TMPRSS4: variants seen among roughly 807,000 people sequenced by gnomAD.
TMPRSS4 encodes the protein transmembrane serine protease 4, also known as transmembrane protease serine 4.
Under a neutral mutation model 56.4 loss-of-function variants are expected in TMPRSS4, and 45 were observed. The ratio of observed to expected loss-of-function variants is 0.80; its 90% confidence interval spans 0.63 to 1.02. The LOEUF is 1.02. Ranked by LOEUF, TMPRSS4 falls within the 50% of genes least tolerant of loss-of-function variation. The pLI, the probability that TMPRSS4 is intolerant of heterozygous loss-of-function variation, is 0.00. For synonymous variants in TMPRSS4, 205 were observed against 211.0 expected (o/e 0.97, Z 0.25); for missense variants, 546 against 556.7 (o/e 0.98, Z 0.19).
chr11:118,102,811 G>T (rs560202789), intron 3 of TMPRSS4: 4 of 372,288 alleles, frequency 1.1e-5, no homozygotes, highest in African/African-American at 6.1e-5. Context: ...TACATACTGA[G>T]CGAGCACTGG....
intron 3 of TMPRSS4, among the ~76,000 whole-genome samples, chr11:118,101,643 C>CT (rs1412632789): frequency 6.6e-6 from 1 of 152,070 alleles, no homozygotes; most frequent in East Asian, 1.9e-4. Flanking sequence ...CTGGCTAATT[C>CT]TTTTTTTAAT....
chr11:118,080,554 G>A (rs1272200527), intron 1 of TMPRSS4, among the ~76,000 whole-genome samples: 3 of 152,132 alleles, frequency 2.0e-5, no homozygotes, highest in Admixed American at 6.6e-5. Flanking sequence ...CGTGACCCCA[G>A]GCCTCTCTCC....
At chr11:118,102,164 TC>T (rs1186919493) in intron 3 of TMPRSS4, among the ~76,000 whole-genome samples, 1 of 151,580 alleles carries the variant, frequency 6.6e-6, no homozygotes. Context: ...TCCTCCCGCC[TC>T]CCCCCGACAG....
intron 6 of TMPRSS4, 74 bp downstream of exon 6, chr11:118,107,949 A>C: frequency 1.6e-6 from 2 of 1,267,764 alleles, no homozygotes; most frequent in East Asian, 2.4e-5. Context: ...CAACCAGCTC[A>C]CCTGGAACCC....
Position 118,112,379 on chromosome 11 carries a change from C to CTTTTTT in TMPRSS4, c.743+505_743+510dup, listed in dbSNP as rs71469160. Among the ~76,000 whole-genome samples, 93 of 45,726 alleles carry CTTTTTT rather than the reference C, an allele frequency of 2.0e-3. 19 individuals are homozygous for CTTTTTT. In the East Asian group the frequency reaches 0.022, roughly 11 times the overall value. 30.0% of individuals were successfully genotyped at this position (45,726 alleles called of 152,430 possible). On this transcript the variant is annotated intron_variant, in intron 8 of 12. Coordinates refer to ENST00000437212, the MANE Select transcript of TMPRSS4 (RefSeq NM_019894.4). ...AAGGGCTACTCCCAGACCCCCTTCA[C>CTTTTTT]TTTTTTTTTTTTTTTTTTTTTTTTT...
At chr11:118,111,702 C>T (rs756778314) in intron 7 of TMPRSS4, 39 bp from the exon 8 acceptor site, 1 of 1,519,376 alleles carries the variant, frequency 6.6e-7, no homozygotes, top group Non-Finnish European at 8.8e-7. Flanking sequence ...CCCCAACAGC[C>T]TGACTTCCTG....
At chr11:118,100,704 G>A (rs941651322) in intron 3 of TMPRSS4, among the ~76,000 whole-genome samples, 1 of 152,190 alleles carries the variant, frequency 6.6e-6, no homozygotes, top group Non-Finnish European at 1.5e-5. Flanking sequence ...TTCTATTCAG[G>A]CTAATGTTAA....
intron 3 of TMPRSS4, among the ~76,000 whole-genome samples, chr11:118,102,580 G>C (rs1946768136): frequency 6.6e-6 from 1 of 152,154 alleles, no homozygotes; most frequent in Non-Finnish European, 1.5e-5. Context: ...GTGGTGGCAT[G>C]TGCCTGTAAT....
In TMPRSS4 at chr11:118,119,123, A is replaced by C; in HGVS notation, c.*1210A>C. 1.0e-6 allele frequency: 1 copy of C among 985,484 alleles called. No homozygotes were observed. The highest frequency in any genetic ancestry group is 1.2e-6 in the Non-Finnish European group (1 of 829,946). The allele number at this position is 985,484 out of a possible 1,614,324, so 61.0% of individuals were successfully genotyped here. A position where few individuals can be genotyped will look rare whatever the true frequency, so the allele number is the denominator to read the frequency against. On this transcript the variant is annotated 3_prime_UTR_variant, in exon 13 of 13. Coordinates refer to ENST00000437212, the MANE Select transcript of TMPRSS4 (RefSeq NM_019894.4). ...ACAACAGAATTCCTCAAATGCCAAA[A>C]ACAAAGAAAATAGAAACCCAGAAAA...
chr11:118,104,655 C>T lies in TMPRSS4; in HGVS notation c.311-36C>T, dbSNP rs763747588. 4.5e-5 allele frequency: 73 copies of T among 1,613,694 alleles called. 1 individual carries two copies. The South Asian group carries it at 8.0e-4, about 18-fold the overall frequency. Reference sequence around the variant, plus strand: ...CTGAGGGGGATGGGCCAGTTGGGCCCCCCGTTCCATCTAACTCAGGTTCCT... The same window carrying T: ...CTGAGGGGGATGGGCCAGTTGGGCCTCCCGTTCCATCTAACTCAGGTTCCT... On this transcript the variant is annotated intron_variant, in intron 4 of 12. Transcript: ENST00000437212.
intron 1 of TMPRSS4, among the ~76,000 whole-genome samples, chr11:118,088,525 G>A (rs1014606099): frequency 6.6e-6 from 1 of 152,208 alleles, no homozygotes; most frequent in Non-Finnish European, 1.5e-5. Context: ...GGGCCCTGGG[G>A]GCCTGGGCAT....
intron 1 of TMPRSS4, among the ~76,000 whole-genome samples, chr11:118,092,189 C>T (rs541102748): frequency 3.3e-5 from 5 of 152,192 alleles, no homozygotes; most frequent in Non-Finnish European, 7.3e-5. Context: ...ATGGTGTAAC[C>T]GCCCAAGGGG....
At chr11:118,109,975 T>G (rs1048062668) in intron 7 of TMPRSS4, among the ~76,000 whole-genome samples, 1 of 152,210 alleles carries the variant, frequency 6.6e-6, no homozygotes, top group Non-Finnish European at 1.5e-5. Context: ...AGGTCCTCCC[T>G]TGAGGGGCCT....
chr11:118,083,043 G>C (rs537434834), intron 1 of TMPRSS4, among the ~76,000 whole-genome samples: 1 of 152,026 alleles, frequency 6.6e-6, no homozygotes, highest in African/African-American at 2.4e-5. Context: ...CTTCTGCCCT[G>C]CCTCCCTCTC....
At chr11:118,113,829 T>C (rs1947407263) in intron 9 of TMPRSS4, among the ~76,000 whole-genome samples, 1 of 152,222 alleles carries the variant, frequency 6.6e-6, no homozygotes, top group Non-Finnish European at 1.5e-5. Context: ...TTTGCTCTCC[T>C]CCAGGGGCAG....
intron 10 of TMPRSS4, 48 bp downstream of exon 10, chr11:118,114,975 G>A (rs2135458867): frequency 6.4e-7 from 1 of 1,562,410 alleles, no homozygotes; most frequent in Non-Finnish European, 8.7e-7. Context: ...CCTTGTATGA[G>A]GGAGCAGCTT....
rs187547940 is a variant in TMPRSS4, at chr11:118,119,395, A to G, written c.*1482A>G. 1.3e-4 allele frequency: 127 copies of G among 973,080 alleles called. No homozygotes were observed. Among genetic ancestry groups the G allele is most frequent in the Admixed American group, 6.8e-4 (11 of 16,266 alleles). 60.3% of individuals were successfully genotyped at this position (973,080 alleles called of 1,614,324 possible). On this transcript the variant is annotated 3_prime_UTR_variant, in exon 13 of 13. Coordinates refer to ENST00000437212, the MANE Select transcript of TMPRSS4 (RefSeq NM_019894.4). Reference sequence around the variant, plus strand: ...AATTTCCCAAATTTAGAGCCTCAGGATTCCCAAAGATCCTCCAAATATGAG... The same window carrying G: ...AATTTCCCAAATTTAGAGCCTCAGGGTTCCCAAAGATCCTCCAAATATGAG...
chr11:118,117,247 G>A (rs768015393), intron 11 of TMPRSS4, 58 bp from the exon 12 acceptor site: 79 of 1,581,960 alleles, frequency 5.0e-5, no homozygotes, highest in Admixed American at 6.7e-5. Context: ...AGCAGAGAAG[G>A]AGAAGCCCCC....
At chr11:118,084,435 C>T (rs12270246) in intron 1 of TMPRSS4, among the ~76,000 whole-genome samples, 2,171 of 152,312 alleles carry the variant, frequency 0.014, 42 homozygotes, top group African/African-American at 0.048. Flanking sequence ...CACTGAAGCA[C>T]TATTAAAGCA....
Sources: allele counts gnomAD v4.1 joint callset (sites outside exome capture counted in the v4.1 genomes callset), GRCh38; gene constraint gnomAD v4.1.1; transcripts MANE v1.5; gene names NCBI Gene and HGNC (gene_info 2026-07-23, HGNC 2026-07-21).